GABRA2: variants seen among roughly 807,000 people sequenced by gnomAD.
The protein encoded by GABRA2 is gamma-aminobutyric acid type A receptor subunit alpha2.
Under a neutral mutation model 48.7 loss-of-function variants are expected in GABRA2, and 16 were observed. The ratio of observed to expected loss-of-function variants is 0.33; its 90% confidence interval spans 0.22 to 0.50. GABRA2 has a LOEUF of 0.50. GABRA2 is among the 20% of genes least tolerant of loss of function. The pLI is 0.98. For missense variants in GABRA2, 275 were observed against 535.6 expected, an observed-to-expected ratio of 0.51 and a Z score of 4.80; for synonymous variants, 185 against 184.5, an observed-to-expected ratio of 1.00 and a Z score of -0.02.
intron 8 of GABRA2, among the ~76,000 whole-genome samples, chr4:46,301,034 G>T (rs755915491): frequency 5.3e-5 from 8 of 152,072 alleles, no homozygotes; most frequent in Admixed American, 2.0e-4. Flanking sequence ...AGATAAATTA[G>T]ATCTGGAGAT....
intron 4 of GABRA2, 130 bp downstream of exon 4, chr4:46,332,485 T>C (rs1209913810): frequency 1.7e-6 from 1 of 584,534 alleles, no homozygotes; most frequent in South Asian, 2.3e-5. Context: ...TAACTATCCA[T>C]GTATTTGAGT....
intron 9 of GABRA2, among the ~76,000 whole-genome samples, chr4:46,257,111 C>T (rs1294618416): frequency 6.6e-6 from 1 of 151,540 alleles, no homozygotes; most frequent in Non-Finnish European, 1.5e-5. Context: ...CCACTCAGAT[C>T]TTGTAAACTT....
At chr4:46,266,269 ATAT>A (rs1718198694) in intron 8 of GABRA2, among the ~76,000 whole-genome samples, 1 of 148,368 alleles carries the variant, frequency 6.7e-6, no homozygotes, top group Non-Finnish European at 1.5e-5. Context: ...TTAATATTTT[ATAT>A]TAATAAGATA....
At chr4:46,371,355 C>A (rs533926866) in intron 3 of GABRA2, among the ~76,000 whole-genome samples, 3 of 152,172 alleles carry the variant, frequency 2.0e-5, no homozygotes, top group East Asian at 3.9e-4. Context: ...TATTATATTT[C>A]TGCCAAAATT....
intron 4 of GABRA2, among the ~76,000 whole-genome samples, chr4:46,329,694 C>T (rs184943921): frequency 3.9e-5 from 6 of 152,226 alleles, no homozygotes; most frequent in Admixed American, 3.3e-4. Context: ...AAGAATTTAG[C>T]TGTCTTTTAT....
intron 2 of GABRA2, 81 bp downstream of exon 2, chr4:46,388,555 T>C: frequency 6.6e-7 from 1 of 1,520,956 alleles, no homozygotes. Context: ...AAAACACCCT[T>C]GATTTTCAAA....
At chr4:46,334,207 A>T (rs940172509) in intron 3 of GABRA2, among the ~76,000 whole-genome samples, 2 of 152,104 alleles carry the variant, frequency 1.3e-5, no homozygotes, top group Non-Finnish European at 2.9e-5. Flanking sequence ...CCCATGCTTC[A>T]TTTAATGGTC....
chr4:46,288,472 C>T (rs886674497), intron 8 of GABRA2, among the ~76,000 whole-genome samples: 2 of 152,100 alleles, frequency 1.3e-5, no homozygotes, highest in South Asian at 2.1e-4. Context: ...GAAAAGGATT[C>T]CCCATTAAAT....
At chr4:46,352,469 T>C (rs1735286579) in intron 3 of GABRA2, among the ~76,000 whole-genome samples, 1 of 152,062 alleles carries the variant, frequency 6.6e-6, no homozygotes, top group African/African-American at 2.4e-5. Flanking sequence ...CTTCTCTCAG[T>C]GTGAACGTTT....
At chr4:46,368,145 A>G (rs778727851) in intron 3 of GABRA2, 2 of 152,128 alleles carry the variant, frequency 1.3e-5, no homozygotes, top group Admixed American at 6.6e-5. Context: ...CTCAGTGGAC[A>G]AGGTTGGATC....
At chr4:46,339,598 T>A (rs1019829958) in intron 3 of GABRA2, among the ~76,000 whole-genome samples, 10 of 151,842 alleles carry the variant, frequency 6.6e-5, no homozygotes, top group African/African-American at 1.2e-4. Context: ...ATCAAATAAA[T>A]ATACAATTGC....
chr4:46,356,985 T>C (rs535171279), intron 3 of GABRA2, among the ~76,000 whole-genome samples: 3 of 149,942 alleles, frequency 2.0e-5, no homozygotes, highest in Non-Finnish European at 1.5e-5. Flanking sequence ...GGGTTTGTTT[T>C]TTTTTTGTTT....
intron 8 of GABRA2, among the ~76,000 whole-genome samples, chr4:46,301,461 C>T (rs1725721579): frequency 6.6e-6 from 1 of 152,144 alleles, no homozygotes; most frequent in South Asian, 2.1e-4. Context: ...ATTACGATGA[C>T]CTATAAGGCC....
At chr4:46,331,985 A>T (rs1404443564) in intron 4 of GABRA2, among the ~76,000 whole-genome samples, 1 of 152,066 alleles carries the variant, frequency 6.6e-6, no homozygotes, top group African/African-American at 2.4e-5. Context: ...AGCCTCCCAA[A>T]TTGCTGCAAT....
At chr4:46,261,177 A>G (rs1329973366) in intron 9 of GABRA2, 1 of 152,100 alleles carries the variant, frequency 6.6e-6, no homozygotes, top group East Asian at 1.9e-4. Flanking sequence ...CAATGCACAA[A>G]TCTCCCATTA....
chr4:46,273,087 G>A (rs900586764), intron 8 of GABRA2, among the ~76,000 whole-genome samples: 7 of 149,574 alleles, frequency 4.7e-5, no homozygotes, highest in Non-Finnish European at 7.4e-5. Flanking sequence ...GTAGTGGCAT[G>A]ATCAGTATTT....
chr4:46,255,558 G>C (rs1374409889), intron 9 of GABRA2, among the ~76,000 whole-genome samples: 1 of 151,438 alleles, frequency 6.6e-6, no homozygotes, highest in Admixed American at 6.6e-5. Context: ...ATATTATCTG[G>C]GTGGGGGTAG....
chr4:46,253,031 T>C (rs541415283), intron 9 of GABRA2, among the ~76,000 whole-genome samples: 87 of 151,560 alleles, frequency 5.7e-4, no homozygotes, highest in Non-Finnish European at 1.2e-3. Context: ...GCAATATAAT[T>C]TATTATGTGT....
rs376573152 is a variant in GABRA2 at position 46,333,769 on chromosome 4, G to A, written c.188-1087C>T. On this transcript the variant is annotated intron_variant, in intron 3 of 9. Transcript: ENST00000381620. Reference sequence around the variant, plus strand: ...GTGGTAGATTCTCTGTTACCCCTATGCATGTGTACAATGATTCAAAGAAAG... The same window carrying A: ...GTGGTAGATTCTCTGTTACCCCTATACATGTGTACAATGATTCAAAGAAAG... 7.0e-4 allele frequency among the ~76,000 whole-genome samples: 106 copies of A among 152,148 alleles called. 1 individual carries two copies. The South Asian group carries it at 0.013, about 18-fold the overall frequency.
Sources: allele counts gnomAD v4.1 joint callset (sites outside exome capture counted in the v4.1 genomes callset), GRCh38; gene constraint gnomAD v4.1.1; transcripts MANE v1.5; gene names NCBI Gene and HGNC (gene_info 2026-07-23, HGNC 2026-07-21).